The following DISC1 variants were observed in gnomAD, a reference collection of about 807,000 sequenced individuals.
DISC1 encodes the protein DISC1 scaffold protein, also known as disrupted in schizophrenia 1 protein.
Under a neutral mutation model 84.5 loss-of-function variants are expected in DISC1, and 57 were observed. The ratio of observed to expected loss-of-function variants is 0.67; its 90% confidence interval spans 0.55 to 0.84. The LOEUF (loss-of-function observed/expected upper bound fraction) is 0.84. DISC1 is among the 40% of genes least tolerant of loss of function. The probability of loss-of-function intolerance (pLI) is 0.00; values close to 1 mark genes in which losing one functional copy is unlikely to be tolerated. For missense variants in DISC1, 1,000 were observed against 1,057.8 expected, an observed-to-expected ratio of 0.95 and a Z score of 0.76; for synonymous variants, 411 against 415.2, an observed-to-expected ratio of 0.99 and a Z score of 0.12.
In DISC1 at chr1:231,630,325, CT is replaced by C. The variant is rs903654311; in HGVS notation, c.67+3400del. Among the ~76,000 whole-genome samples the C allele has an allele frequency of 1.3e-5, 2 of 151,282 alleles. No individual in the cohort carries two copies. Among genetic ancestry groups the C allele is most frequent in the African/African-American group, 2.4e-5 (1 of 41,146 alleles). ...TCATTAGACCAGAATTAGAATCATTCTTTTTTTTTCTTTTTTTAATTAAAAA... is the reference window on the plus strand; with the variant it reads ...TCATTAGACCAGAATTAGAATCATTCTTTTTTTTCTTTTTTTAATTAAAAA... On this transcript the variant is annotated intron_variant, in intron 1 of 12. Coordinates refer to ENST00000439617, the MANE Select transcript of DISC1 (RefSeq NM_018662.3). The surrounding 1 kb of genome is among the most constrained non-coding windows in gnomAD (Gnocchi z 4.4).
At chr1:231,777,012 A>G (rs2077011872) in intron 6 of DISC1, among the ~76,000 whole-genome samples, 2 of 152,262 alleles carry the variant, frequency 1.3e-5, no homozygotes, top group South Asian at 4.1e-4. Context: ...GCAGTCTCCA[A>G]GCTGCTTTTC....
intron 7 of DISC1, 144 bp downstream of exon 7, chr1:231,795,440 T>A: frequency 2.4e-5 from 16 of 680,520 alleles, no homozygotes; most frequent in Non-Finnish European, 3.8e-5. Context: ...CAATGATGAG[T>A]TAAAAGAGCC....
At chr1:231,743,559 A>G (rs998017508) in intron 3 of DISC1, among the ~76,000 whole-genome samples, 1 of 152,238 alleles carries the variant, frequency 6.6e-6, no homozygotes, top group African/African-American at 2.4e-5. Context: ...AACAAGAAAT[A>G]AAGTATTAAG....
chr1:232,011,952 A>G (rs1010606996), intron 11 of DISC1, among the ~76,000 whole-genome samples: 24 of 152,150 alleles, frequency 1.6e-4, no homozygotes, highest in Admixed American at 1.6e-3. Context: ...GCATCTCCAC[A>G]TCTGTTAAGA....
At chr1:231,911,931 A>G (rs1308827552) in intron 9 of DISC1, among the ~76,000 whole-genome samples, 2 of 152,062 alleles carry the variant, frequency 1.3e-5, no homozygotes, top group Non-Finnish European at 2.9e-5. Context: ...TTGATCTTCA[A>G]TCACTGATAC....
At chr1:231,911,715 T>C (rs1240930417) in intron 9 of DISC1, among the ~76,000 whole-genome samples, 1 of 152,242 alleles carries the variant, frequency 6.6e-6, no homozygotes, top group African/African-American at 2.4e-5. Context: ...ATTTGAATGT[T>C]GGCCTGCCTT....
intron 3 of DISC1, among the ~76,000 whole-genome samples, chr1:231,709,623 A>G (rs2067550420): frequency 6.6e-6 from 1 of 152,084 alleles, no homozygotes; most frequent in African/African-American, 2.4e-5. Flanking sequence ...ATAAACTCTG[A>G]CAGCTTCAAG....
intron 9 of DISC1, among the ~76,000 whole-genome samples, chr1:231,922,492 G>A (rs1002511153): frequency 6.6e-6 from 1 of 152,168 alleles, no homozygotes; most frequent in African/African-American, 2.4e-5. Context: ...ATCCAAGGGG[G>A]TATGTCTGGC....
At chr1:231,713,860 G>GAT (rs140221154) in intron 3 of DISC1, among the ~76,000 whole-genome samples, 42,694 of 144,880 alleles carry the variant, frequency 0.29, 6,721 homozygotes, top group East Asian at 0.37. Context: ...ATATATAGGA[G>GAT]ATATATATAT....
At chr1:231,825,085 A>C (rs113238995) in intron 9 of DISC1, among the ~76,000 whole-genome samples, 1 of 152,066 alleles carries the variant, frequency 6.6e-6, no homozygotes, top group Non-Finnish European at 1.5e-5. Context: ...TACTTTGTTC[A>C]TTTATTTTCT....
intron 3 of DISC1, chr1:231,721,141 C>A: frequency 8.0e-7 from 1 of 1,257,720 alleles, no homozygotes; most frequent in Non-Finnish European, 1.0e-6. Context: ...CTCTACCTAC[C>A]TTGCTGGGCT....
intron 2 of DISC1, among the ~76,000 whole-genome samples, chr1:231,697,697 G>A (rs1327202317): frequency 6.9e-6 from 1 of 145,938 alleles, no homozygotes. Context: ...TGATCCTCCT[G>A]CCTCAGCCTC....
At chr1:231,927,009 C>T (rs759953094) in intron 9 of DISC1, among the ~76,000 whole-genome samples, 2 of 152,178 alleles carry the variant, frequency 1.3e-5, no homozygotes, top group Admixed American at 6.5e-5. Flanking sequence ...TTCTAGGTAC[C>T]GTGGCTTTCA....
intron 1 of DISC1, among the ~76,000 whole-genome samples, chr1:231,638,857 G>A (rs1033773601): frequency 2.0e-5 from 3 of 152,140 alleles, no homozygotes; most frequent in African/African-American, 7.2e-5. Flanking sequence ...ACAGAGCAGG[G>A]AAAGTGTGAA....
chr1:231,861,423 C>T (rs2084637124), intron 9 of DISC1, among the ~76,000 whole-genome samples: 2 of 150,230 alleles, frequency 1.3e-5, no homozygotes, highest in South Asian at 4.2e-4. Flanking sequence ...TGAGCCACCG[C>T]ACCCAGACTC....
At chr1:231,889,412 A>G (rs935675628) in intron 9 of DISC1, among the ~76,000 whole-genome samples, 15 of 152,216 alleles carry the variant, frequency 9.9e-5, no homozygotes, top group African/African-American at 3.6e-4. Context: ...CAGAGAAGTA[A>G]GTATTTTGTA....
chr1:231,718,040 A>G (rs866035317), intron 3 of DISC1, among the ~76,000 whole-genome samples: 1 of 152,130 alleles, frequency 6.6e-6, no homozygotes, highest in Middle Eastern at 3.2e-3. Context: ...CCTGTGGGTC[A>G]TTGTGGACTT....
rs188599334 is a variant in DISC1, at chr1:231,883,790, T to G, written c.1981+65273T>G. Among the ~76,000 whole-genome samples the G allele has an allele frequency of 3.2e-3, 489 of 152,064 alleles. 2 individuals are homozygous for G. The highest frequency in any genetic ancestry group is 0.011 in the African/African-American group (447 of 41,474). ...ATGGTGCAATTGACTGAGGGTAGGA[T>G]AGAGGAAAAGGATCAGGTGCAGGAG... On this transcript the variant is annotated intron_variant, in intron 9 of 12. Transcript: ENST00000439617.
intron 4 of DISC1, among the ~76,000 whole-genome samples, chr1:231,759,577 G>A (rs999496801): frequency 6.0e-5 from 9 of 149,442 alleles, no homozygotes; most frequent in Middle Eastern, 3.4e-3. Context: ...GCGGTGGTGC[G>A]TACCTGTAGT....
Sources: gnomAD v4.1 joint callset for allele counts (sites outside exome capture counted in the v4.1 genomes callset) on GRCh38, gnomAD v4.1.1 for gene constraint, Gnocchi (gnomAD v3.1) non-coding constraint, MANE v1.5 for transcripts, NCBI Gene and HGNC (gene_info 2026-07-23, HGNC 2026-07-21) for gene names.